RAP1A: variants seen among roughly 807,000 people sequenced by gnomAD.
RAP1A encodes the protein RAP1A, member of RAS oncogene family.
In RAP1A, 6 loss-of-function variants were observed where a neutral mutation model predicts 26.4. The observed-to-expected ratio is 0.23, with a 90% CI of 0.12 to 0.45. The LOEUF is 0.45. Among genes scored for constraint, RAP1A ranks in the 20% least tolerant of loss-of-function variants. The pLI is 0.99. For synonymous variants in RAP1A, 73 were observed against 79.4 expected, an observed-to-expected ratio of 0.92 and a Z score of 0.43; for missense variants, 121 against 217.2, an observed-to-expected ratio of 0.56 and a Z score of 2.78.
intron 1 of RAP1A, among the ~76,000 whole-genome samples, chr1:111,547,162 T>C (rs1657062159): frequency 6.6e-6 from 1 of 152,010 alleles, no homozygotes; most frequent in Non-Finnish European, 1.5e-5. Context: ...AGTAATTTTC[T>C]TTTTTTTCAT....
At chr1:111,668,180 T>C (rs1350506141) in intron 1 of RAP1A, among the ~76,000 whole-genome samples, 1 of 152,216 alleles carries the variant, frequency 6.6e-6, no homozygotes, top group Non-Finnish European at 1.5e-5. Context: ...ATCTTAAAAT[T>C]TGACTATGGT....
intron 1 of RAP1A, among the ~76,000 whole-genome samples, chr1:111,637,518 G>A (rs1350347419): frequency 6.6e-6 from 1 of 152,176 alleles, no homozygotes; most frequent in African/African-American, 2.4e-5. Flanking sequence ...CATTGGTGGT[G>A]ATACTGCTCC....
rs1013559580 is a variant in RAP1A at position 111,698,233 on chromosome 1, T to G, written c.183+736T>G. On this transcript the variant is annotated intron_variant, in intron 4 of 7. Coordinates refer to ENST00000369709, the MANE Select transcript of RAP1A (RefSeq NM_002884.4). ...TTTATTTTTCTCCATGCACATAGAC[T>G]TGACACATTAGGCAATTCTTAGCTT... Among the ~76,000 whole-genome samples, 33 of 152,334 alleles carry G rather than the reference T, an allele frequency of 2.2e-4. 1 individual carries two copies. Among genetic ancestry groups the G allele is most frequent in the African/African-American group, 6.7e-4 (28 of 41,582 alleles).
At chr1:111,616,374 G>A (rs1428086879), upstream of RAP1A, among the ~76,000 whole-genome samples, 1 of 152,174 alleles carries the variant, frequency 6.6e-6, no homozygotes, top group Admixed American at 6.5e-5. Context: ...CACATATACC[G>A]TGATGAGGAC....
At chr1:111,610,575 CA>C (rs1658910058) in intron 1 of RAP1A, among the ~76,000 whole-genome samples, 6 of 141,404 alleles carry the variant, frequency 4.2e-5, no homozygotes, top group Non-Finnish European at 9.1e-5. Flanking sequence ...CACACACACA[CA>C]CACACCCAAC....
intron 1 of RAP1A, among the ~76,000 whole-genome samples, chr1:111,640,831 G>A (rs1489617505): frequency 6.6e-6 from 1 of 152,102 alleles, no homozygotes; most frequent in Non-Finnish European, 1.5e-5. Context: ...GGGTGTGGTG[G>A]TGCATACCTA....
At chr1:111,605,596 T>C (rs71673424) in intron 1 of RAP1A, among the ~76,000 whole-genome samples, 11,435 of 152,296 alleles carry the variant, frequency 0.075, 524 homozygotes, top group African/African-American at 0.14. Context: ...ACTGATGATT[T>C]GTTAAAGATG....
intron 1 of RAP1A, among the ~76,000 whole-genome samples, chr1:111,612,121 C>T (rs1658935877): frequency 6.6e-6 from 1 of 151,948 alleles, no homozygotes; most frequent in Non-Finnish European, 1.5e-5. Flanking sequence ...GGTCTGATGC[C>T]AGTCTTCTCC....
At chr1:111,573,920 G>A (rs1658097820) in intron 1 of RAP1A, among the ~76,000 whole-genome samples, 1 of 151,968 alleles carries the variant, frequency 6.6e-6, no homozygotes. Flanking sequence ...TGTTTACTCT[G>A]TTGATAGTAT....
At chr1:111,652,922 G>A (rs1660320244) in intron 1 of RAP1A, among the ~76,000 whole-genome samples, 1 of 152,148 alleles carries the variant, frequency 6.6e-6, no homozygotes, top group Non-Finnish European at 1.5e-5. Flanking sequence ...TTTGCTGCTA[G>A]GTATATACCC....
chr1:111,565,248 C>T (rs1657892515), intron 1 of RAP1A, among the ~76,000 whole-genome samples: 1 of 152,138 alleles, frequency 6.6e-6, no homozygotes, highest in Admixed American at 6.5e-5. Context: ...TCAGAGTGAG[C>T]AAGTGAGGGA....
intron 1 of RAP1A, among the ~76,000 whole-genome samples, chr1:111,585,816 C>T (rs186743167): frequency 1.3e-5 from 2 of 152,216 alleles, no homozygotes; most frequent in East Asian, 1.9e-4. Context: ...TAAGATAAGC[C>T]ATTATTTTAT....
In RAP1A at chr1:111,653,807, A is replaced by G. The variant is rs1312054331; in HGVS notation, c.-28+33873A>G. Among the ~76,000 whole-genome samples the G allele has an allele frequency of 2.6e-5, 4 of 152,232 alleles. No homozygotes were observed. In the East Asian group the frequency reaches 7.7e-4, roughly 29 times the overall value. ...GGTAATGAGAGGTCAGGGAGAGAAAAGAAGACTGTGGGCATGAATTAATGG... is the reference window on the plus strand; with the variant it reads ...GGTAATGAGAGGTCAGGGAGAGAAAGGAAGACTGTGGGCATGAATTAATGG... On this transcript the variant is annotated intron_variant, in intron 1 of 7. Transcript: ENST00000369709.
chr1:111,572,160 G>A (rs988545244), intron 1 of RAP1A, among the ~76,000 whole-genome samples: 2 of 152,224 alleles, frequency 1.3e-5, no homozygotes, highest in African/African-American at 4.8e-5. Flanking sequence ...GCCAGGGTAT[G>A]CTGCGGCAAT....
chr1:111,644,092 A>G (rs956971989), intron 1 of RAP1A, among the ~76,000 whole-genome samples: 12 of 152,204 alleles, frequency 7.9e-5, no homozygotes, highest in African/African-American at 2.9e-4. Flanking sequence ...CCACATTTAG[A>G]TAATACCTTC....
intron 1 of RAP1A, among the ~76,000 whole-genome samples, chr1:111,545,618 T>G (rs1657007834): frequency 6.6e-6 from 1 of 152,150 alleles, no homozygotes; most frequent in Admixed American, 6.5e-5. Flanking sequence ...ACTAAAGTTT[T>G]TAATTTTGAT....
chr1:111,709,764 C>T (rs191984355), intron 7 of RAP1A, among the ~76,000 whole-genome samples: 13 of 152,268 alleles, frequency 8.5e-5, no homozygotes, highest in East Asian at 3.9e-4. Flanking sequence ...TAAACAAAAA[C>T]GTAGTGTATT....
chr1:111,617,240 G>A (rs769228736), upstream of RAP1A, among the ~76,000 whole-genome samples: 9 of 152,120 alleles, frequency 5.9e-5, no homozygotes, highest in South Asian at 2.1e-4. Flanking sequence ...GGGCCTGAGC[G>A]TGCCACAACC....
chr1:111,600,350 C>T (rs773712004), intron 1 of RAP1A, among the ~76,000 whole-genome samples: 1 of 152,214 alleles, frequency 6.6e-6, no homozygotes, highest in Non-Finnish European at 1.5e-5. Flanking sequence ...TCTACCATCT[C>T]TAGAAGTTCA....
Sources: gnomAD v4.1 joint callset for allele counts (sites outside exome capture counted in the v4.1 genomes callset) on GRCh38, gnomAD v4.1.1 for gene constraint, MANE v1.5 for transcripts, NCBI Gene and HGNC (gene_info 2026-07-23, HGNC 2026-07-21) for gene names.